Variants in DMD observed in about 807,000 individuals in gnomAD.
DMD encodes the protein mutant dystrophin.
DMD carries 63 observed loss-of-function variants against 330.1 expected under a neutral mutation model. The observed-to-expected ratio is 0.19, with a 90% CI of 0.16 to 0.24. The LOEUF is 0.24. Among genes scored for constraint, DMD ranks in the 10% least tolerant of loss-of-function variants. The pLI is 1.00. For synonymous variants in DMD, 1,223 were observed against 959.8 expected (o/e 1.27, Z -5.07); for missense variants, 3,344 against 2,684.1 (o/e 1.25, Z -5.43).
At position 31,267,080 on chromosome X, in the gene DMD, T is replaced by G. The variant is rs1308778903; in HGVS notation, c.9225-6064A>C. On this transcript the variant is annotated intron_variant, in intron 62 of 78. Transcript: ENST00000357033. The stretch of plus-strand genomic sequence containing the variant: ...ACCCAGAGACTGGGCAGTTGGGGCT[T>G]TCAAAACGGAAAGGAAAAAGAAAAG... 2.5e-5 allele frequency: 8 copies of G among 317,831 alleles called. No individual in the cohort carries two copies. In the East Asian group the frequency reaches 4.1e-4, roughly 16 times the overall value. 26.2% of individuals were successfully genotyped at this position (317,831 alleles called of 1,213,427 possible).
At chrX:31,178,935 T>G (rs777006147) in intron 69 of DMD, 130 bp from the exon 70 acceptor site, 4 of 841,373 alleles carry the variant, frequency 4.8e-6, no homozygotes, top group Non-Finnish European at 6.7e-6. Context: ...AGCAAAGGCT[T>G]TGGAATCAGA....
intron 57 of DMD, among the ~76,000 whole-genome samples, chrX:31,488,332 G>T (rs2068981244): frequency 8.9e-6 from 1 of 112,205 alleles, no homozygotes; most frequent in South Asian, 3.7e-4. Flanking sequence ...AATGTTAGTA[G>T]AAATGAATGG....
chrX:31,522,363 C>CTCTCTCTCTCTCTCTATATATATATA, intron 55 of DMD, among the ~76,000 whole-genome samples: 11 of 35,954 alleles, frequency 3.1e-4, no homozygotes, highest in Admixed American at 8.4e-4. Flanking sequence ...CTCTCTCTCT[C>CTCTCTCTCTCTCTCTATATATATATA]TATATATATA....
chrX:31,209,508 C>T lies in DMD; in HGVS notation c.9553G>A (p.Val3185Ile), dbSNP rs1556280685. ...ACATGCCATACGTACGTATCATAAACATTCAGCAGCCAGTTCAGACACATA... is the reference window on the plus strand; with the variant it reads ...ACATGCCATACGTACGTATCATAAATATTCAGCAGCCAGTTCAGACACATA... Reference protein sequence around the residue: ...VDMCLNWLLNVYDTGRTGRIR... With the variant: ...VDMCLNWLLNIYDTGRTGRIR... Residue 3185 changes from valine to isoleucine, a missense_variant, in exon 65 of 79, where the codon GTT (valine) becomes ATT (isoleucine). Coordinates refer to ENST00000357033, the MANE Select transcript of DMD (RefSeq NM_004006.3). 1.7e-6 allele frequency: 2 copies of T among 1,211,089 alleles called. No homozygotes were observed. The highest frequency in any genetic ancestry group is 2.2e-6 in the Non-Finnish European group (2 of 895,058).
Position 32,980,440 on chromosome X carries a change from A to G in DMD, c.93+39699T>C, listed in dbSNP as rs150323593. Among the ~76,000 whole-genome samples, 9 of 108,826 alleles carry G rather than the reference A, an allele frequency of 8.3e-5. No individual in the cohort carries two copies. The East Asian group carries it at 2.6e-3, about 31-fold the overall frequency. The allele number at this position is 108,826 out of a possible 115,157, so 94.5% of individuals were successfully genotyped here. On this transcript the variant is annotated intron_variant, in intron 2 of 78. Coordinates refer to ENST00000357033, the MANE Select transcript of DMD (RefSeq NM_004006.3). ...TATTAGGAAGAATATATAAAGTACAATAAGATAGACAAATGCAAGTTTTAT... is the reference window on the plus strand; with the variant it reads ...TATTAGGAAGAATATATAAAGTACAGTAAGATAGACAAATGCAAGTTTTAT...
intron 11 of DMD, among the ~76,000 whole-genome samples, chrX:32,621,040 C>T (rs1016362961): frequency 3.6e-5 from 4 of 110,926 alleles, no homozygotes; most frequent in South Asian, 3.9e-4. Context: ...ATATGGATGG[C>T]GGGTGAGGGC....
At chrX:32,856,116 C>G (rs2081532994) in intron 2 of DMD, among the ~76,000 whole-genome samples, 1 of 112,056 alleles carries the variant, frequency 8.9e-6, no homozygotes, top group South Asian at 3.7e-4. Context: ...GAGGTATCAT[C>G]TCACCCCAGT....
chrX:33,211,298 T>C lies in DMD; in HGVS notation c.15A>G (p.Glu5=). The C allele has an allele frequency of 8.3e-7, 1 of 1,209,686 alleles. No individual in the cohort carries two copies. The highest frequency in any genetic ancestry group is 1.1e-6 in the Non-Finnish European group (1 of 894,404). ...TGTACTTACAACAGTCCTCTACTTC[T>C]TCCCACCAAAGCATTTTGAAAAGTG... MLWW[E]EVEDCYERED... The change falls in exon 1 of 79, where the codon GAA becomes GAG. Residue 5 remains glutamate (E), a synonymous_variant. Coordinates refer to ENST00000357033, the MANE Select transcript of DMD (RefSeq NM_004006.3).
At chrX:32,773,548 C>T (rs1190118903) in intron 7 of DMD, among the ~76,000 whole-genome samples, 1 of 105,554 alleles carries the variant, frequency 9.5e-6, no homozygotes. Flanking sequence ...ATTTACCACT[C>T]CCTCCTTATC....
At chrX:32,184,030 T>C (rs1332643411) in intron 44 of DMD, among the ~76,000 whole-genome samples, 1 of 110,636 alleles carries the variant, frequency 9.0e-6, no homozygotes, top group Non-Finnish European at 1.9e-5. Flanking sequence ...TTTTCATTCT[T>C]AAATGACTGA....
intron 2 of DMD, among the ~76,000 whole-genome samples, chrX:32,970,241 A>G (rs1272533934): frequency 1.1e-5 from 1 of 94,366 alleles, no homozygotes; most frequent in East Asian, 3.3e-4. Context: ...AAAGAATAAG[A>G]CCTATTTGAT....
Position 32,644,279 on chromosome X carries a change from C to A in DMD, c.1184G>T (p.Arg395Leu). The A allele has an allele frequency of 3.3e-6, 4 of 1,210,972 alleles. No individual in the cohort carries two copies. Among genetic ancestry groups the A allele is most frequent in the Non-Finnish European group, 4.5e-6 (4 of 895,206 alleles). The change falls in exon 11 of 79, where the codon CGG becomes CTG. Residue 395 changes from arginine (R) to leucine (L), a missense_variant. By Grantham distance (102) the Arg-to-Leu change is moderately radical. Coordinates refer to ENST00000357033, the MANE Select transcript of DMD (RefSeq NM_004006.3). Reference sequence around the variant, plus strand: ...TCCCAATTGTAGAATATTACCAACCCGGCCCTGATGGGCTGTCAAATCCAT... The same window carrying A: ...TCCCAATTGTAGAATATTACCAACCAGGCCCTGATGGGCTGTCAAATCCAT... ...YMMDLTAHQG[R>L]VGNILQLGSK...
intron 43 of DMD, among the ~76,000 whole-genome samples, chrX:32,217,657 G>A (rs1180844017): frequency 9.1e-6 from 1 of 109,670 alleles, no homozygotes; most frequent in Non-Finnish European, 1.9e-5. Flanking sequence ...TCTCACCACA[G>A]AGAAATTATA....
intron 21 of DMD, among the ~76,000 whole-genome samples, chrX:32,480,707 G>C (rs2041802495): frequency 9.2e-6 from 1 of 109,142 alleles, no homozygotes; most frequent in South Asian, 3.7e-4. Flanking sequence ...TATATGTATA[G>C]CTTTAACTTG....
chrX:31,446,882 GC>G (rs2065311826), intron 59 of DMD, among the ~76,000 whole-genome samples: 1 of 111,663 alleles, frequency 9.0e-6, no homozygotes, highest in Admixed American at 9.5e-5. Flanking sequence ...AGGAACCTCT[GC>G]AGAGAGGGCA....
At chrX:31,190,112 C>T (rs1450392044) in intron 67 of DMD, among the ~76,000 whole-genome samples, 2 of 111,867 alleles carry the variant, frequency 1.8e-5, no homozygotes, top group Non-Finnish European at 3.8e-5. Context: ...TGATGCCGTA[C>T]CCCAGAGGAA....
At chrX:31,684,138 G>T (rs187709087) in intron 52 of DMD, among the ~76,000 whole-genome samples, 31 of 111,755 alleles carry the variant, frequency 2.8e-4, no homozygotes, top group Non-Finnish European at 4.9e-4. Context: ...TACACAAAAT[G>T]ATTTCAGTGC....
At chrX:33,220,590 C>G (rs188892395) in intron 1 of DMD, among the ~76,000 whole-genome samples, 184 of 111,683 alleles carry the variant, frequency 1.6e-3, no homozygotes, top group Non-Finnish European at 2.7e-3. Flanking sequence ...TGTTTCTTAC[C>G]TGATGGAAGG....
At chrX:31,742,252 A>C (rs1391242464) in intron 51 of DMD, among the ~76,000 whole-genome samples, 8 of 112,173 alleles carry the variant, frequency 7.1e-5, no homozygotes, top group African/African-American at 2.6e-4. Context: ...AGCACTTTTA[A>C]TTTTCTTCAA....
Sources: gnomAD v4.1 joint callset for allele counts (sites outside exome capture counted in the v4.1 genomes callset) on GRCh38, gnomAD v4.1.1 for gene constraint, MANE v1.5 for transcripts, NCBI Gene and HGNC (gene_info 2026-07-23, HGNC 2026-07-21) for gene names.